The following IGSF5 variants were observed in gnomAD, a reference collection of about 807,000 sequenced individuals.
The protein encoded by IGSF5 is immunoglobulin superfamily 5 like.
In IGSF5, 41 loss-of-function variants were observed where a neutral mutation model predicts 39.4. That is an observed-to-expected ratio of 1.04 (90% CI 0.81 to 1.35). The LOEUF is 1.35. Among genes scored for constraint, IGSF5 ranks in the 40% most tolerant of loss-of-function variants. The pLI is 0.00. For synonymous variants in IGSF5, 183 were observed against 175.3 expected, an observed-to-expected ratio of 1.04 and a Z score of -0.34; for missense variants, 487 against 494.6, an observed-to-expected ratio of 0.98 and a Z score of 0.15.
At chr21:39,754,898 A>G (rs530976953) in intron 2 of IGSF5, among the ~76,000 whole-genome samples, 30 of 152,038 alleles carry the variant, frequency 2.0e-4, no homozygotes, top group Admixed American at 5.9e-4. Context: ...TCAAATCCAT[A>G]TCTGTAGCAG....
intron 8 of IGSF5, among the ~76,000 whole-genome samples, chr21:39,798,157 T>C (rs939667220): frequency 3.9e-5 from 6 of 152,154 alleles, no homozygotes; most frequent in Non-Finnish European, 8.8e-5. Context: ...AGCTCTGCTT[T>C]TTAGGAGAAC....
intron 8 of IGSF5, among the ~76,000 whole-genome samples, chr21:39,794,442 G>C (rs2086983509): frequency 1.3e-5 from 2 of 152,102 alleles, no homozygotes; most frequent in South Asian, 4.2e-4. Flanking sequence ...TCTTTTCACA[G>C]GATGGTTCAC....
chr21:39,717,712 G>T, the IGSF5 span, among the ~76,000 whole-genome samples: 1 of 152,092 alleles, frequency 6.6e-6, no homozygotes, highest in African/African-American at 2.4e-5. Context: ...GCCTGTTTTT[G>T]TACCAGTACC....
At chr21:39,734,268 C>CA in the IGSF5 span, among the ~76,000 whole-genome samples, 780 of 151,860 alleles carry the variant, frequency 5.1e-3, 4 homozygotes, top group Non-Finnish European at 8.1e-3. Flanking sequence ...ACTGAAAATA[C>CA]AAAAATTAGC....
At chr21:39,734,533 G>A in the IGSF5 span, among the ~76,000 whole-genome samples, 1 of 150,600 alleles carries the variant, frequency 6.6e-6, no homozygotes, top group African/African-American at 2.5e-5. Context: ...AATCCTCTGC[G>A]CTTCACCTAT....
intron 1 of IGSF5, among the ~76,000 whole-genome samples, chr21:39,745,859 TGGTCCA>T (rs2079971600): frequency 6.6e-6 from 1 of 151,924 alleles, no homozygotes; most frequent in Non-Finnish European, 1.5e-5. Context: ...CAAGCGAAAG[TGGTCCA>T]ATATTACTCA....
Position 39,792,032 on chromosome 21 carries a change from CAAAG to C in IGSF5, c.985_988del (p.Glu329LeufsTer77), listed in dbSNP as rs1352915943. The C allele has an allele frequency of 1.2e-6, 2 of 1,609,206 alleles. No homozygotes were observed. The highest frequency in any genetic ancestry group is 1.7e-6 in the Non-Finnish European group (2 of 1,177,614). On this transcript the variant is annotated frameshift_variant, in exon 7 of 9. Coordinates refer to ENST00000380588, the MANE Select transcript of IGSF5 (RefSeq NM_001080444.2). LOFTEE classifies it high-confidence loss of function. Reference sequence around the variant, plus strand: ...GGAAATCTGAAAAAGAGAAGACAAACAAAGAAACTGAGACAGAAAGTGGAAATGA... The same window carrying C: ...GGAAATCTGAAAAAGAGAAGACAAACAAACTGAGACAGAAAGTGGAAATGA...
rs115140876 is a variant in IGSF5, at chr21:39,750,328, T to G, written c.100+4030T>G. Among the ~76,000 whole-genome samples, 938 of 152,158 alleles carry G rather than the reference T, an allele frequency of 6.2e-3. 10 individuals carry two copies. The highest frequency in any genetic ancestry group is 0.021 in the African/African-American group (874 of 41,494). On this transcript the variant is annotated intron_variant, in intron 2 of 8. Coordinates refer to ENST00000380588, the MANE Select transcript of IGSF5 (RefSeq NM_001080444.2). ...TTGATTCTGAGTTCCCTGACAAGAT[T>G]ATCAAAAAGGACCATTAAAAAAGCA...
chr21:39,736,936 A>C, the IGSF5 span, among the ~76,000 whole-genome samples: 1 of 152,192 alleles, frequency 6.6e-6, no homozygotes, highest in Non-Finnish European at 1.5e-5. Context: ...TACAAAGCAC[A>C]CAGGGCACAA....
chr21:39,721,989 C>T, the IGSF5 span, among the ~76,000 whole-genome samples: 2 of 152,320 alleles, frequency 1.3e-5, no homozygotes, highest in Admixed American at 1.3e-4. Flanking sequence ...CTCCTCAGTA[C>T]AGTTGTTGAG....
the IGSF5 span, among the ~76,000 whole-genome samples, chr21:39,737,138 C>G: frequency 6.6e-3 from 1,003 of 151,754 alleles, 10 homozygotes; most frequent in African/African-American, 0.023. Context: ...TTTTTCTTAC[C>G]AGCTCCTAGT....
At chr21:39,745,794 G>A (rs539592732) in intron 1 of IGSF5, among the ~76,000 whole-genome samples, 1 of 152,266 alleles carries the variant, frequency 6.6e-6, no homozygotes, top group South Asian at 2.1e-4. Flanking sequence ...TTTTTAACTG[G>A]CCGACAGGTG....
the IGSF5 span, among the ~76,000 whole-genome samples, chr21:39,740,068 CA>C: frequency 6.6e-6 from 1 of 152,108 alleles, no homozygotes; most frequent in Non-Finnish European, 1.5e-5. Context: ...TAGCTGCAGG[CA>C]AAGGTATTTT....
At chr21:39,712,115 G>T in the IGSF5 span, among the ~76,000 whole-genome samples, 2 of 152,126 alleles carry the variant, frequency 1.3e-5, no homozygotes, top group Non-Finnish European at 2.9e-5. Context: ...ACCTTCTGGG[G>T]ACACAATACC....
chr21:39,743,961 G>C (rs141853447), upstream of IGSF5, among the ~76,000 whole-genome samples: 14 of 152,114 alleles, frequency 9.2e-5, no homozygotes, highest in South Asian at 4.2e-4. Context: ...TTTTGCCTTG[G>C]GGGGAACGTT....
At chr21:39,752,620 T>C (rs996328391) in intron 2 of IGSF5, among the ~76,000 whole-genome samples, 2 of 152,202 alleles carry the variant, frequency 1.3e-5, no homozygotes, top group African/African-American at 4.8e-5. Context: ...ATAATTTACA[T>C]TCCCAGCAGT....
At chr21:39,791,156 A>G (rs2086962395) in intron 6 of IGSF5, among the ~76,000 whole-genome samples, 1 of 152,180 alleles carries the variant, frequency 6.6e-6, no homozygotes, top group South Asian at 2.1e-4. Flanking sequence ...TTTCCAAAGA[A>G]GGTGTACAGG....
intron 4 of IGSF5, among the ~76,000 whole-genome samples, chr21:39,773,322 C>T (rs554518183): frequency 6.6e-6 from 1 of 152,266 alleles, no homozygotes; most frequent in Admixed American, 6.5e-5. Flanking sequence ...TCTTTTTTTA[C>T]CTACTAACTT....
chr21:39,760,611 G>A (rs62237171), intron 2 of IGSF5, among the ~76,000 whole-genome samples: 34,672 of 151,498 alleles, frequency 0.23, 4,768 homozygotes, highest in Non-Finnish European at 0.32. Context: ...TCACTCTGTC[G>A]TCAGGCTGGA....
Sources: allele counts gnomAD v4.1 joint callset (sites outside exome capture counted in the v4.1 genomes callset), GRCh38; gene constraint gnomAD v4.1.1; transcripts MANE v1.5; gene names NCBI Gene and HGNC (gene_info 2026-07-23, HGNC 2026-07-21).